Variants in TMEM117 observed in about 807,000 individuals in gnomAD.
TMEM117 encodes transmembrane protein 117.
Under a neutral mutation model 52.4 loss-of-function variants are expected in TMEM117, and 27 were observed. That is an observed-to-expected ratio of 0.51 (90% CI 0.38 to 0.71). TMEM117 has a LOEUF of 0.71. TMEM117 is among the 30% of genes least tolerant of loss of function. TMEM117 has a pLI of 0.00. For missense variants in TMEM117, 556 were observed against 630.5 expected (o/e 0.88, Z 1.26); for synonymous variants, 215 against 206.3 (o/e 1.04, Z -0.36).
intron 6 of TMEM117, among the ~76,000 whole-genome samples, chr12:44,360,800 T>G (rs898539661): frequency 1.3e-5 from 2 of 152,148 alleles, no homozygotes; most frequent in Admixed American, 6.6e-5. Flanking sequence ...TTAATCACTG[T>G]TCTCAATAAT....
At chr12:44,339,145 G>C (rs1951382487) in intron 6 of TMEM117, among the ~76,000 whole-genome samples, 1 of 151,980 alleles carries the variant, frequency 6.6e-6, no homozygotes, top group South Asian at 2.1e-4. Flanking sequence ...GAAAACTCCA[G>C]AAACTCTCTG....
At chr12:44,039,560 TA>T (rs528308730) in intron 3 of TMEM117, among the ~76,000 whole-genome samples, 1 of 151,996 alleles carries the variant, frequency 6.6e-6, no homozygotes, top group Non-Finnish European at 1.5e-5. Flanking sequence ...CATGTATAGA[TA>T]AATTTGTGAT....
At chr12:44,180,383 A>G (rs1949176718) in intron 4 of TMEM117, among the ~76,000 whole-genome samples, 1 of 151,194 alleles carries the variant, frequency 6.6e-6, no homozygotes, top group Admixed American at 6.6e-5. Flanking sequence ...TTTAAGTTTT[A>G]GGGTACATGT....
chr12:43,834,707 C>T (rs1943003900), upstream of TMEM117, among the ~76,000 whole-genome samples: 1 of 152,138 alleles, frequency 6.6e-6, no homozygotes, highest in Non-Finnish European at 1.5e-5. Flanking sequence ...AACTGAAGCT[C>T]ATTTTAGTAG....
At chr12:43,807,211 C>CA in the TMEM117 span, among the ~76,000 whole-genome samples, 1 of 151,978 alleles carries the variant, frequency 6.6e-6, no homozygotes, top group African/African-American at 2.4e-5. Context: ...GACACATACA[C>CA]AAAATTATAA....
At chr12:44,002,947 A>G (rs1325030253) in intron 3 of TMEM117, among the ~76,000 whole-genome samples, 2 of 152,132 alleles carry the variant, frequency 1.3e-5, no homozygotes, top group East Asian at 3.9e-4. Flanking sequence ...CCTGCCATTT[A>G]CTATTTTTCA....
At chr12:44,042,993 T>C (rs1456843777) in intron 3 of TMEM117, among the ~76,000 whole-genome samples, 1 of 152,206 alleles carries the variant, frequency 6.6e-6, no homozygotes, top group Non-Finnish European at 1.5e-5. Context: ...TGGAGAACAC[T>C]GATTAGTCCT....
chr12:44,056,084 TTTCTC>T (rs1231661870), intron 3 of TMEM117, among the ~76,000 whole-genome samples: 4 of 151,936 alleles, frequency 2.6e-5, no homozygotes, highest in Non-Finnish European at 4.4e-5. Context: ...ATTTAACAGT[TTTCTC>T]TTCTTTTCCT....
intron 5 of TMEM117, among the ~76,000 whole-genome samples, chr12:44,220,331 A>G (rs1439900299): frequency 6.6e-6 from 1 of 152,186 alleles, no homozygotes; most frequent in African/African-American, 2.4e-5. Context: ...AAGTTAACAG[A>G]GAAGCAAGGG....
At chr12:44,104,129 A>G (rs749730517) in intron 3 of TMEM117, among the ~76,000 whole-genome samples, 2 of 152,032 alleles carry the variant, frequency 1.3e-5, no homozygotes, top group South Asian at 4.1e-4. Context: ...TACTATTTCA[A>G]CAGATGCTGT....
chr12:44,262,165 C>T (rs1319276304), intron 5 of TMEM117, among the ~76,000 whole-genome samples: 2 of 152,150 alleles, frequency 1.3e-5, no homozygotes, highest in African/African-American at 4.8e-5. Flanking sequence ...AAAGGTTATG[C>T]TGACTATAGT....
the TMEM117 span, among the ~76,000 whole-genome samples, chr12:43,796,572 T>C: frequency 1.3e-5 from 2 of 152,108 alleles, no homozygotes; most frequent in African/African-American, 4.8e-5. Context: ...TCCTTATTAA[T>C]ATGCAGTAGA....
chr12:44,006,134 C>T (rs1192039679), intron 3 of TMEM117, among the ~76,000 whole-genome samples: 1 of 152,154 alleles, frequency 6.6e-6, no homozygotes, highest in Non-Finnish European at 1.5e-5. Flanking sequence ...GTTTGAAAGC[C>T]TCCATCCAGT....
intron 6 of TMEM117, 53 bp from the exon 7 acceptor site, chr12:44,376,542 C>T: frequency 6.4e-7 from 1 of 1,573,264 alleles, no homozygotes; most frequent in East Asian, 2.3e-5. Context: ...TGGTGTTTTG[C>T]TGCTTAGGAA....
chr12:43,875,094 T>C (rs1459215059), intron 2 of TMEM117, among the ~76,000 whole-genome samples: 1 of 152,222 alleles, frequency 6.6e-6, no homozygotes, highest in African/African-American at 2.4e-5. Flanking sequence ...CTGCAAGTAA[T>C]AGATACAAGT....
At chr12:43,859,233 G>A (rs141626487) in intron 2 of TMEM117, among the ~76,000 whole-genome samples, 2 of 152,208 alleles carry the variant, frequency 1.3e-5, no homozygotes, top group African/African-American at 2.4e-5. Context: ...TTGGAGGGAG[G>A]AGGGCCTTCC....
intron 2 of TMEM117, among the ~76,000 whole-genome samples, chr12:43,890,951 A>AAAGAGGAAATC: frequency 6.6e-6 from 1 of 151,840 alleles, no homozygotes; most frequent in South Asian, 2.1e-4. Context: ...TTTTTTTTCT[A>AAAGAGGAAATC]AAGAGGAAAT....
intron 2 of TMEM117, among the ~76,000 whole-genome samples, chr12:43,906,619 C>T (rs1014988788): frequency 1.1e-4 from 16 of 152,176 alleles, no homozygotes; most frequent in African/African-American, 3.4e-4. Context: ...AGACAGTGGG[C>T]GCAGGTCAGT....
upstream of TMEM117, among the ~76,000 whole-genome samples, chr12:43,835,232 A>G (rs1169755349): frequency 6.6e-6 from 1 of 152,176 alleles, no homozygotes; most frequent in African/African-American, 2.4e-5. Flanking sequence ...TCAGGAAGAG[A>G]GGAATTGGTC....
Sources: gnomAD v4.1 joint callset for allele counts (sites outside exome capture counted in the v4.1 genomes callset) on GRCh38, gnomAD v4.1.1 for gene constraint, MANE v1.5 for transcripts, NCBI Gene and HGNC (gene_info 2026-07-23, HGNC 2026-07-21) for gene names.